PSEN1: variants seen among roughly 807,000 people sequenced by gnomAD.
PSEN1 encodes presenilin 1.
A neutral mutation model predicts 53.5 loss-of-function variants in PSEN1; 15 were observed. The observed-to-expected ratio is 0.28, with a 90% confidence interval of 0.19 to 0.43. The LOEUF (loss-of-function observed/expected upper bound fraction) is 0.43, where lower values mean the gene tolerates loss of function less well. Ranked by LOEUF, PSEN1 falls within the 20% of genes least tolerant of loss-of-function variation. PSEN1 has a pLI of 1.00. For missense variants in PSEN1, 387 were observed against 571.2 expected, an observed-to-expected ratio of 0.68 and a Z score of 3.29; for synonymous variants, 208 against 209.8, an observed-to-expected ratio of 0.99 and a Z score of 0.08.
chr14:73,188,124 T>C (rs186786315), intron 6 of PSEN1, among the ~76,000 whole-genome samples: 1 of 152,200 alleles, frequency 6.6e-6, no homozygotes, highest in Non-Finnish European at 1.5e-5. Context: ...AGACAGAGTT[T>C]CACCATGTTG....
intron 3 of PSEN1, chr14:73,160,202 T>C: frequency 6.2e-6 from 1 of 160,640 alleles, no homozygotes. Context: ...CATAATGTCC[T>C]CAAGGTTCAT....
chr14:73,217,318 G>C, intron 11 of PSEN1, 74 bp downstream of exon 11: 1 of 1,570,212 alleles, frequency 6.4e-7, no homozygotes, highest in Non-Finnish European at 8.8e-7. Flanking sequence ...CTTTAAGGCA[G>C]TTCTGTTTTA....
At chr14:73,197,848 A>G in intron 7 of PSEN1, 183 bp from the exon 8 acceptor site, 1 of 594,126 alleles carries the variant, frequency 1.7e-6, no homozygotes, top group Non-Finnish European at 3.0e-6. Flanking sequence ...TATTTTGTTT[A>G]TGTTGTCTCC....
intron 9 of PSEN1, among the ~76,000 whole-genome samples, chr14:73,207,167 A>G (rs966248446): frequency 2.0e-5 from 3 of 152,108 alleles, no homozygotes; most frequent in African/African-American, 7.2e-5. Context: ...ATAATAATGA[A>G]TAATAATAAT....
intron 5 of PSEN1, among the ~76,000 whole-genome samples, chr14:73,180,599 TTAA>T (rs766886713): frequency 5.9e-5 from 9 of 152,264 alleles, no homozygotes; most frequent in Non-Finnish European, 1.3e-4. Flanking sequence ...GGAAAGGCAG[TTAA>T]TTATTATACA....
rs1566630791 is a variant in PSEN1 at position 73,173,583 on chromosome 14, C to T, written c.356C>T (p.Thr119Ile). Residue 119 changes from threonine to isoleucine, a missense_variant, in exon 5 of 12, where the codon ACA becomes ATA. Physicochemically the swap from Thr to Ile is moderately conservative, Grantham distance 89. Transcript: ENST00000324501. ...KDGQLIYTPF[T>I]EDTETVGQRA... ...TATTGTAGAATCTATACCCCATTCA[C>T]AGAAGATACCGAGACTGTGGGCCAG... The T allele has an allele frequency of 6.2e-7, 1 of 1,614,092 alleles. No individual in the cohort carries two copies. The highest frequency in any genetic ancestry group is 1.1e-5 in the South Asian group (1 of 91,082).
At chr14:73,171,314 C>T (rs968953067) in intron 4 of PSEN1, among the ~76,000 whole-genome samples, 3 of 152,194 alleles carry the variant, frequency 2.0e-5, no homozygotes, top group Admixed American at 1.3e-4. Flanking sequence ...AAATTCTTTT[C>T]CACCTCAGGG....
Position 73,163,930 on chromosome 14 carries a change from TA to T in PSEN1, c.88-6855del, listed in dbSNP as rs774839177. On this transcript the variant is annotated intron_variant, in intron 3 of 11. Coordinates refer to ENST00000324501, the MANE Select transcript of PSEN1 (RefSeq NM_000021.4). ...AGGAATGACATGATCTCATTTTGTT[TA>T]AAAAAAAAAAATCATCCTGGCTGTA... is the stretch of plus-strand genomic sequence containing the variant. Among the ~76,000 whole-genome samples, 885 of 147,022 alleles carry T rather than the reference TA, an allele frequency of 6.0e-3. 4 individuals carry two copies. Among genetic ancestry groups the T allele is most frequent in the African/African-American group, 0.017 (704 of 40,454 alleles).
In PSEN1 at chr14:73,210,989, C is replaced by A. The variant is rs556100454; in HGVS notation, c.956-780C>A. Among the ~76,000 whole-genome samples the A allele has an allele frequency of 3.2e-4, 48 of 152,256 alleles. No homozygotes were observed. In the East Asian group the frequency reaches 8.7e-3, roughly 28 times the overall value. ...TGACTGGCCCATAAAGACATTCACT[C>A]CCCGCTCCTTTCCCAATCCACCCTC... On this transcript the variant is annotated intron_variant, in intron 9 of 11. Coordinates refer to ENST00000324501, the MANE Select transcript of PSEN1 (RefSeq NM_000021.4).
chr14:73,214,909 C>G (rs550238427), intron 10 of PSEN1, among the ~76,000 whole-genome samples: 1 of 152,224 alleles, frequency 6.6e-6, no homozygotes, highest in East Asian at 1.9e-4. Context: ...GAACGGTGAA[C>G]TTAAAAAGGG....
intron 4 of PSEN1, among the ~76,000 whole-genome samples, chr14:73,172,006 A>G (rs970651674): frequency 5.3e-5 from 8 of 152,176 alleles, no homozygotes; most frequent in Non-Finnish European, 1.0e-4. Context: ...TTTAATGCCT[A>G]ATTTCCTTCT....
intron 8 of PSEN1, among the ~76,000 whole-genome samples, chr14:73,202,821 C>T (rs1388578234): frequency 6.6e-6 from 1 of 151,864 alleles, no homozygotes; most frequent in Admixed American, 6.6e-5. Flanking sequence ...GCTTTAGCAG[C>T]ACATAATAGT....
At chr14:73,194,952 C>T (rs975762615) in intron 7 of PSEN1, among the ~76,000 whole-genome samples, 4 of 152,144 alleles carry the variant, frequency 2.6e-5, no homozygotes, top group Admixed American at 1.3e-4. Context: ...ATTTGATTGA[C>T]GAAGAAGTCT....
chr14:73,193,683 G>A (rs900755767), intron 7 of PSEN1, among the ~76,000 whole-genome samples: 1 of 150,848 alleles, frequency 6.6e-6, no homozygotes, highest in African/African-American at 2.4e-5. Context: ...TTGAGACAAA[G>A]TCTTGCTGTG....
At position 73,218,086 on chromosome 14, in the gene PSEN1, CTT is replaced by C. The variant is rs58637970; in HGVS notation, c.1248+863_1248+864del. ...TACAGGCGTGAGCCACCGCACCTGGCTTTTTTTTTTTTTTTTTTTTTTGGAGA... is the reference window on the plus strand; with the variant it reads ...TACAGGCGTGAGCCACCGCACCTGGCTTTTTTTTTTTTTTTTTTTTGGAGA... On this transcript the variant is annotated intron_variant, in intron 11 of 11. Coordinates refer to ENST00000324501, the MANE Select transcript of PSEN1 (RefSeq NM_000021.4). Among the ~76,000 whole-genome samples, 85 of 97,884 alleles carry C rather than the reference CTT, an allele frequency of 8.7e-4. 1 individual carries two copies. Among genetic ancestry groups the C allele is most frequent in the South Asian group, 5.8e-3 (16 of 2,764 alleles). The allele number at this position is 97,884 out of a possible 152,430, so 64.2% of individuals were successfully genotyped here.
chr14:73,193,225 G>A (rs959947301), intron 7 of PSEN1, among the ~76,000 whole-genome samples: 1 of 152,150 alleles, frequency 6.6e-6, no homozygotes, highest in Admixed American at 6.5e-5. Context: ...TGGGAGGATC[G>A]ATTGAGCCCA....
chr14:73,165,948 C>T (rs190307334), intron 3 of PSEN1, among the ~76,000 whole-genome samples: 4 of 151,854 alleles, frequency 2.6e-5, no homozygotes, highest in South Asian at 4.2e-4. Flanking sequence ...CCCAGCTCCT[C>T]GGGAGGCTGA....
intron 5 of PSEN1, among the ~76,000 whole-genome samples, chr14:73,185,781 C>T (rs1898487045): frequency 1.3e-5 from 2 of 152,150 alleles, no homozygotes; most frequent in African/African-American, 4.8e-5. Context: ...GAACTCCTGG[C>T]CTCATGATCC....
chr14:73,149,119 G>C (rs977428003), intron 3 of PSEN1, among the ~76,000 whole-genome samples: 17 of 152,076 alleles, frequency 1.1e-4, no homozygotes, highest in Non-Finnish European at 2.2e-4. Context: ...ATTTTCCTCT[G>C]TTAGGACCAG....
Sources: allele counts gnomAD v4.1 joint callset (sites outside exome capture counted in the v4.1 genomes callset), GRCh38; gene constraint gnomAD v4.1.1; transcripts MANE v1.5; gene names NCBI Gene and HGNC (gene_info 2026-07-23, HGNC 2026-07-21).